The following IRF6 variants were observed in gnomAD, a reference collection of about 807,000 sequenced individuals.
The protein encoded by IRF6 is Van der Woude syndrome.
A neutral mutation model predicts 51.4 loss-of-function variants in IRF6; 6 were observed. The observed-to-expected ratio is 0.12, with a 90% CI of 0.06 to 0.23. The LOEUF (loss-of-function observed/expected upper bound fraction) is 0.23, where lower values mean the gene tolerates loss of function less well. Ranked by LOEUF, IRF6 falls within the 10% of genes least tolerant of loss-of-function variation. The pLI is 1.00. For missense variants in IRF6, 348 were observed against 585.2 expected (o/e 0.59, Z 4.18); for synonymous variants, 178 against 215.7 (o/e 0.83, Z 1.53).
intron 3 of IRF6, among the ~76,000 whole-genome samples, chr1:209,800,971 C>T (rs898642477): frequency 2.0e-4 from 30 of 152,136 alleles, no homozygotes; most frequent in African/African-American, 7.2e-4. Context: ...AAACACATCA[C>T]TACAATCACT....
chr1:209,795,493 AGCTAGGGACT>A (rs2102541845), intron 4 of IRF6, 75 bp from the exon 5 acceptor site: 2 of 1,605,008 alleles, frequency 1.2e-6, no homozygotes, highest in East Asian at 4.5e-5. Context: ...CCACCATTCA[AGCTAGGGACT>A]GCTAGCCCAG....
intron 3 of IRF6, among the ~76,000 whole-genome samples, chr1:209,797,129 T>C (rs2077907280): frequency 6.6e-6 from 1 of 151,980 alleles, no homozygotes; most frequent in Admixed American, 6.6e-5. Context: ...TCCCAGCACT[T>C]TGGGAGGCCA....
intron 3 of IRF6, among the ~76,000 whole-genome samples, chr1:209,797,688 C>T (rs894842716): frequency 6.6e-6 from 1 of 152,154 alleles, no homozygotes; most frequent in African/African-American, 2.4e-5. Flanking sequence ...AAATCTAAGC[C>T]GCTCAAGTCA....
chr1:209,795,290 C>T lies in IRF6; in HGVS notation c.508G>A (p.Gly170Ser), dbSNP rs1166692475. Residue 170 changes from glycine to serine, a missense_variant and splice_region_variant, in exon 5 of 9, where the codon GGT (glycine) becomes AGT (serine). Transcript: ENST00000367021. ...TGTACCACCCATCATCCCCACTCAC[C>T]ATTGATGTTCAGGAAGGGGAAGGTG... is the stretch of plus-strand genomic sequence containing the variant. Reference protein sequence around the residue: ...QDTFPFLNINGSPMAPASVGN... With the variant: ...QDTFPFLNINSSPMAPASVGN... 2.5e-6 allele frequency: 4 copies of T among 1,614,064 alleles called. No individual in the cohort carries two copies. The highest frequency in any genetic ancestry group is 1.3e-5 in the African/African-American group (1 of 74,946).
intron 7 of IRF6, among the ~76,000 whole-genome samples, 163 bp from the exon 8 acceptor site, chr1:209,789,948 C>T (rs1197985038): frequency 3.3e-5 from 5 of 152,210 alleles, no homozygotes; most frequent in South Asian, 2.1e-4. Context: ...TATTTACATG[C>T]TCAATAGCCA....
At chr1:209,802,142 G>A (rs772216689) in intron 1 of IRF6, 99 bp from the exon 2 acceptor site, 2 of 152,204 alleles carry the variant, frequency 1.3e-5, no homozygotes, top group East Asian at 3.8e-4. Context: ...CTGAGAACAC[G>A]TCTCCACTAC....
At chr1:209,793,651 A>G (rs1558040236) in intron 5 of IRF6, among the ~76,000 whole-genome samples, 1 of 152,180 alleles carries the variant, frequency 6.6e-6, no homozygotes, top group African/African-American at 2.4e-5. Context: ...TTTGGTATAC[A>G]GATTATTTCG....
chr1:209,805,147 A>G (rs1003279069), intron 1 of IRF6, among the ~76,000 whole-genome samples: 3 of 151,840 alleles, frequency 2.0e-5, no homozygotes, highest in Admixed American at 1.3e-4. Context: ...GCTTTCACCA[A>G]TCCCACCCAA....
chr1:209,797,291 A>G (rs1312205343), intron 3 of IRF6, among the ~76,000 whole-genome samples: 1 of 136,924 alleles, frequency 7.3e-6, no homozygotes, highest in Admixed American at 8.4e-5. Flanking sequence ...AATCACTTGA[A>G]CCCGGGAGGT....
rs1308973974 is a variant in IRF6 at position 209,796,502 on chromosome 1, G to C, written c.225C>G (p.Asp75Glu). The stretch of plus-strand genomic sequence containing the variant: ...GCAGCTGGGCCTTCCATTTAGCTGG[G>C]TCAGGGTCATCCACCCCTTCCTGGT... ...GKYQEGVDDP[D>E]PAKWKAQLRC... Residue 75 changes from aspartate (D) to glutamate (E), a missense_variant, in exon 4 of 9, where the codon GAC becomes GAG. By Grantham distance (45) the Asp-to-Glu change is conservative. Transcript: ENST00000367021. This position sits in a 1 kb window ranked among gnomAD's most constrained non-coding sequence, Gnocchi z 4.5. 2 of 1,613,710 alleles carry C rather than the reference G, an allele frequency of 1.2e-6. No homozygotes were observed. The highest frequency in any genetic ancestry group is 1.7e-6 in the Non-Finnish European group (2 of 1,180,038).
rs1161987589 is a variant in IRF6, at chr1:209,790,372, C to T, written c.1060+123G>A. The T allele has an allele frequency of 9.2e-6, 11 of 1,194,342 alleles. No individual in the cohort carries two copies. Among genetic ancestry groups the T allele is most frequent in the Admixed American group, 1.9e-5 (1 of 53,442 alleles). 74.0% of individuals were successfully genotyped at this position (1,194,342 alleles called of 1,614,324 possible). A position where few individuals can be genotyped will look rare whatever the true frequency, so the allele number is the denominator to read the frequency against. On this transcript the variant is annotated intron_variant, in intron 7 of 8. Coordinates refer to ENST00000367021, the MANE Select transcript of IRF6 (RefSeq NM_006147.4). The surrounding 1 kb of genome is among the most constrained non-coding windows in gnomAD (Gnocchi z 4.8). ...AGTTCTGTTCTCCCTTGACCTCCTC[C>T]AGACTAAATTTTTTAAGATCTTTGC... is the stretch of plus-strand genomic sequence containing the variant.
Position 209,796,634 on chromosome 1 carries a change from A to AACACAAACACAC in IRF6, c.175-83_175-82insGTGTGTTTGTGT, listed in dbSNP as rs753335157. On this transcript the variant is annotated intron_variant, in intron 3 of 8. Coordinates refer to ENST00000367021, the MANE Select transcript of IRF6 (RefSeq NM_006147.4). The surrounding 1 kb of genome is among the most constrained non-coding windows in gnomAD (Gnocchi z 4.5). ...GTGCTTACCCTTTCTCATAGACACA[A>AACACAAACACAC]ACACACACACACACACACACACACA... 2.6e-5 allele frequency: 15 copies of AACACAAACACAC among 586,772 alleles called. No homozygotes were observed. Among genetic ancestry groups the AACACAAACACAC allele is most frequent in the South Asian group, 2.2e-4 (12 of 54,096 alleles). The allele number at this position is 586,772 out of a possible 1,614,324, so 36.3% of individuals were successfully genotyped here.
chr1:209,798,683 G>T (rs1489336566), intron 3 of IRF6, among the ~76,000 whole-genome samples: 2 of 152,134 alleles, frequency 1.3e-5, no homozygotes, highest in African/African-American at 4.8e-5. Context: ...GGCTGAGGTG[G>T]GTGGATCATG....
intron 3 of IRF6, among the ~76,000 whole-genome samples, chr1:209,798,974 T>C (rs1354958534): frequency 6.6e-6 from 1 of 151,568 alleles, no homozygotes; most frequent in Non-Finnish European, 1.5e-5. Context: ...GTGGCAATCA[T>C]TGTGATTTAT....
intron 5 of IRF6, chr1:209,793,247 C>T (rs902533667): frequency 5.9e-5 from 9 of 152,052 alleles, no homozygotes; most frequent in Admixed American, 3.3e-4. Flanking sequence ...ATTCTGTCAC[C>T]CAGACTGGAG....
In IRF6 at chr1:209,795,349, A is replaced by C; in HGVS notation, c.449T>G (p.Leu150Arg). ...GGGAACATGGTGCTGCGACTGATCC[A>C]GCTCATCTTCCTCATCTTCTTCATC... ...DVDEEDEEDE[L>R]DQSQHHVPIQ... Residue 150 changes from leucine to arginine, a missense_variant, in exon 5 of 9, where the codon CTG (leucine) becomes CGG (arginine). Transcript: ENST00000367021. 6.2e-7 allele frequency: 1 copy of C among 1,614,242 alleles called. No homozygotes were observed. Among genetic ancestry groups the C allele is most frequent in the Non-Finnish European group, 8.5e-7 (1 of 1,180,036 alleles).
At position 209,786,883 on chromosome 1, in the gene IRF6, A is replaced by G. The variant is rs1003098487; in HGVS notation, c.*1537T>C. On this transcript the variant is annotated 3_prime_UTR_variant, in exon 9 of 9. Transcript: ENST00000367021. ...TGGCCTGGTTTAAAGGTACCAGACT[A>G]GACATGGGCTTCCTTACTATGTCCC... is the stretch of plus-strand genomic sequence containing the variant. 1.3e-5 allele frequency: 2 copies of G among 152,172 alleles called. No individual in the cohort carries two copies. Among genetic ancestry groups the G allele is most frequent in the Non-Finnish European group, 2.9e-5 (2 of 68,040 alleles). The allele number at this position is 152,172 out of a possible 1,614,324, so 9.4% of individuals were successfully genotyped here. A position where few individuals can be genotyped will look rare whatever the true frequency, so the allele number is the denominator to read the frequency against.
intron 5 of IRF6, chr1:209,793,081 A>G (rs2102539374): frequency 6.6e-6 from 1 of 152,068 alleles, no homozygotes; most frequent in Middle Eastern, 3.4e-3. Context: ...TTTCCCTGCT[A>G]CTGTCAAAGT....
At chr1:209,789,351 T>TTGTGTGTGTGTGTGTGTGTGTGTGTGTG (rs57430923) in intron 8 of IRF6, among the ~76,000 whole-genome samples, 1 of 146,960 alleles carries the variant, frequency 6.8e-6, no homozygotes, top group African/African-American at 2.5e-5. Flanking sequence ...GCAATTTACA[T>TTGTGTGTGTGTGTGTGTGTGTGTGTGTG]TGTGTGTGTG....
Sources: gnomAD v4.1 joint callset for allele counts (sites outside exome capture counted in the v4.1 genomes callset) on GRCh38, gnomAD v4.1.1 for gene constraint, Gnocchi (gnomAD v3.1) non-coding constraint, MANE v1.5 for transcripts, NCBI Gene and HGNC (gene_info 2026-07-23, HGNC 2026-07-21) for gene names.